Variants in GPC5 observed in about 807,000 individuals in gnomAD.
The protein encoded by GPC5 is glypican-5.
A neutral mutation model predicts 53.9 loss-of-function variants in GPC5; 47 were observed. That is an observed-to-expected ratio of 0.87 (90% confidence interval 0.69 to 1.11). The LOEUF (loss-of-function observed/expected upper bound fraction) is 1.11. Ranked by LOEUF, GPC5 falls within the 50% of genes most tolerant of loss-of-function variation. The pLI, the probability that GPC5 is intolerant of heterozygous loss-of-function variation, is 0.00. For missense variants in GPC5, 748 were observed against 713.1 expected (o/e 1.05, Z -0.56); for synonymous variants, 286 against 263.3 (o/e 1.09, Z -0.84).
chr13:91,399,119 G>T lies in GPC5; in HGVS notation c.73G>T (p.Glu25Ter), dbSNP rs1264953563. ...LLALVGSARS[E>*]GVQTCEEVRK... The stretch of plus-strand genomic sequence containing the variant: ...GGCCCTGGTTGGGTCCGCCCGCAGC[G>T]AGGGCGTGCAGACCTGCGAAGAAGT... Residue 25 changes from glutamate (E) to a stop codon, truncating the protein, a stop_gained, in exon 1 of 8, where the codon GAG becomes TAG. Coordinates refer to ENST00000377067, the MANE Select transcript of GPC5 (RefSeq NM_004466.6). LOFTEE classifies it high-confidence loss of function. 5 of 1,610,708 alleles carry T rather than the reference G, an allele frequency of 3.1e-6. No homozygotes were observed. Among genetic ancestry groups the T allele is most frequent in the Non-Finnish European group, 4.2e-6 (5 of 1,178,630 alleles).
intron 6 of GPC5, among the ~76,000 whole-genome samples, chr13:92,116,608 T>G (rs909185390): frequency 6.6e-6 from 1 of 152,248 alleles, no homozygotes; most frequent in African/African-American, 2.4e-5. Context: ...AAACAATGTA[T>G]GCTAAACATC....
intron 7 of GPC5, among the ~76,000 whole-genome samples, chr13:92,148,440 C>T (rs1651900238): frequency 6.6e-6 from 1 of 152,022 alleles, no homozygotes; most frequent in African/African-American, 2.4e-5. Flanking sequence ...TTACTGCTTT[C>T]TAAATAATTT....
chr13:92,295,052 ACTC>A (rs2043025171), intron 7 of GPC5, among the ~76,000 whole-genome samples: 1 of 150,022 alleles, frequency 6.7e-6, no homozygotes. Flanking sequence ...CTGGTCTCAA[ACTC>A]CTGTCCTCAG....
In GPC5 at chr13:91,571,927, A is replaced by ACACACATATACGTGTGTGTG; in HGVS notation, c.326-121260_326-121259insCACACATATACGTGTGTGTG. Among the ~76,000 whole-genome samples, 2 of 127,682 alleles carry ACACACATATACGTGTGTGTG rather than the reference A, an allele frequency of 1.6e-5. 1 individual carries two copies. The allele number at this position is 127,682 out of a possible 152,430, so 83.8% of individuals were successfully genotyped here. On this transcript the variant is annotated intron_variant, in intron 2 of 7. Coordinates refer to ENST00000377067, the MANE Select transcript of GPC5 (RefSeq NM_004466.6). ...TATTGTATATATACACATATTGTAT[A>ACACACATATACGTGTGTGTG]TATACACACATGTATATACATATAC... is the stretch of plus-strand genomic sequence containing the variant.
intron 2 of GPC5, among the ~76,000 whole-genome samples, chr13:91,687,445 C>T (rs971917031): frequency 9.9e-5 from 15 of 152,018 alleles, no homozygotes; most frequent in African/African-American, 2.2e-4. Context: ...TTAAGATTAA[C>T]GGAATGTTAA....
intron 7 of GPC5, among the ~76,000 whole-genome samples, chr13:92,298,259 G>A (rs905018549): frequency 3.3e-5 from 5 of 152,176 alleles, no homozygotes; most frequent in South Asian, 2.1e-4. Context: ...TCCCAGCTGC[G>A]AAAGTAAATA....
At chr13:91,492,064 C>G (rs1318746169) in intron 2 of GPC5, among the ~76,000 whole-genome samples, 1 of 151,968 alleles carries the variant, frequency 6.6e-6, no homozygotes, top group Non-Finnish European at 1.5e-5. Flanking sequence ...TATTTTAGCC[C>G]CTATTACATT....
intron 6 of GPC5, among the ~76,000 whole-genome samples, chr13:92,058,697 C>T (rs1340551220): frequency 2.0e-5 from 3 of 152,110 alleles, no homozygotes; most frequent in Non-Finnish European, 4.4e-5. Context: ...GTGCCCGCCA[C>T]CACAGCCAGC....
intron 6 of GPC5, among the ~76,000 whole-genome samples, chr13:92,124,477 A>G (rs2041678608): frequency 6.6e-6 from 1 of 152,192 alleles, no homozygotes; most frequent in African/African-American, 2.4e-5. Context: ...ATAGGCAGGA[A>G]CATTGTTAAC....
At chr13:91,429,802 C>G (rs1879304853) in intron 1 of GPC5, among the ~76,000 whole-genome samples, 1 of 152,130 alleles carries the variant, frequency 6.6e-6, no homozygotes, top group Non-Finnish European at 1.5e-5. Flanking sequence ...GTTTGGGAAT[C>G]TTTATTTTCA....
At chr13:92,025,336 T>A (rs1312258984) in intron 6 of GPC5, among the ~76,000 whole-genome samples, 1 of 152,070 alleles carries the variant, frequency 6.6e-6, no homozygotes, top group African/African-American at 2.4e-5. Flanking sequence ...CCACCCCTGA[T>A]CTCTCCCCCA....
At chr13:92,644,284 G>A (rs1885693508) in intron 7 of GPC5, among the ~76,000 whole-genome samples, 1 of 152,166 alleles carries the variant, frequency 6.6e-6, no homozygotes, top group Admixed American at 6.5e-5. Flanking sequence ...TACCTTTGCT[G>A]CTAGCTTTAG....
At chr13:92,367,826 G>A (rs2043617958) in intron 7 of GPC5, among the ~76,000 whole-genome samples, 1 of 152,118 alleles carries the variant, frequency 6.6e-6, no homozygotes, top group Non-Finnish European at 1.5e-5. Flanking sequence ...ATAAAAAATT[G>A]GAAGGTGCTG....
At chr13:92,270,084 A>G (rs755391528) in intron 7 of GPC5, among the ~76,000 whole-genome samples, 1 of 152,166 alleles carries the variant, frequency 6.6e-6, no homozygotes, top group Non-Finnish European at 1.5e-5. Flanking sequence ...GGAGGCTCCC[A>G]CATGTCCTCA....
At chr13:92,458,790 T>C (rs977780973) in intron 7 of GPC5, among the ~76,000 whole-genome samples, 2 of 152,122 alleles carry the variant, frequency 1.3e-5, no homozygotes, top group African/African-American at 4.8e-5. Context: ...CTGGTCAGCA[T>C]GTACATATCC....
intron 2 of GPC5, among the ~76,000 whole-genome samples, chr13:91,650,552 G>A (rs899665067): frequency 6.6e-6 from 1 of 151,022 alleles, no homozygotes; most frequent in South Asian, 2.1e-4. Flanking sequence ...AAAACAAGAT[G>A]AGTAAACTTT....
chr13:91,415,950 G>A (rs894650461), intron 1 of GPC5, among the ~76,000 whole-genome samples: 7 of 151,962 alleles, frequency 4.6e-5, no homozygotes, highest in African/African-American at 1.2e-4. Flanking sequence ...CCACTAATCC[G>A]TGCCCTGGAG....
intron 7 of GPC5, among the ~76,000 whole-genome samples, chr13:92,600,866 T>C (rs1285924270): frequency 6.6e-6 from 1 of 152,122 alleles, no homozygotes; most frequent in Non-Finnish European, 1.5e-5. Context: ...TATAAGCATG[T>C]TAAATTTACC....
intron 7 of GPC5, among the ~76,000 whole-genome samples, chr13:92,820,453 C>T (rs1037901295): frequency 6.6e-6 from 1 of 152,128 alleles, no homozygotes; most frequent in African/African-American, 2.4e-5. Context: ...CTGTGAAACC[C>T]CATTCTTCAT....
Sources: gnomAD v4.1 joint callset for allele counts (sites outside exome capture counted in the v4.1 genomes callset) on GRCh38, gnomAD v4.1.1 for gene constraint, MANE v1.5 for transcripts, NCBI Gene and HGNC (gene_info 2026-07-23, HGNC 2026-07-21) for gene names.